The following RAPGEF5 variants were observed in gnomAD, a reference collection of about 807,000 sequenced individuals.
The protein encoded by RAPGEF5 is M-Ras-regulated GEF.
RAPGEF5 carries 65 observed loss-of-function variants against 125.2 expected under a neutral mutation model. The observed-to-expected ratio is 0.52, with a 90% CI of 0.43 to 0.64. The LOEUF (loss-of-function observed/expected upper bound fraction) is 0.64, where lower values mean the gene tolerates loss of function less well. Among genes scored for constraint, RAPGEF5 ranks in the 30% least tolerant of loss-of-function variants. The pLI, the probability that RAPGEF5 is intolerant of heterozygous loss-of-function variation, is 0.00. For synonymous variants in RAPGEF5, 391 were observed against 385.9 expected (o/e 1.01, Z -0.16); for missense variants, 958 against 1,048.1 (o/e 0.91, Z 1.19).
In RAPGEF5 at chr7:22,264,442, A is replaced by C. The variant is rs531448151; in HGVS notation, c.796+2522T>G. Among the ~76,000 whole-genome samples, 3 of 152,364 alleles carry C rather than the reference A, an allele frequency of 2.0e-5. No individual in the cohort carries two copies. In the South Asian group the frequency reaches 6.2e-4, roughly 32 times the overall value. Reference sequence around the variant, plus strand: ...ATATCATACAGTGACATCACAACATAATAAAATTGACTTCATACCAGTCTT... The same window carrying C: ...ATATCATACAGTGACATCACAACATCATAAAATTGACTTCATACCAGTCTT... On this transcript the variant is annotated intron_variant, in intron 7 of 25. Transcript: ENST00000665637.
At chr7:22,130,950 A>C in intron 24 of RAPGEF5, 87 bp downstream of exon 24, 2 of 1,497,108 alleles carry the variant, frequency 1.3e-6, no homozygotes, top group Non-Finnish European at 1.8e-6. Flanking sequence ...GGAGAAAAGT[A>C]CTAAAACTAT....
chr7:22,206,975 A>G (rs1785412025), intron 9 of RAPGEF5, among the ~76,000 whole-genome samples: 1 of 152,196 alleles, frequency 6.6e-6, no homozygotes, highest in Non-Finnish European at 1.5e-5. Flanking sequence ...AAAATGAGAA[A>G]GGAGAAAAAT....
At chr7:22,332,691 G>C (rs1181349079) in intron 1 of RAPGEF5, among the ~76,000 whole-genome samples, 1 of 152,194 alleles carries the variant, frequency 6.6e-6, no homozygotes, top group African/African-American at 2.4e-5. Context: ...CATGACTCAT[G>C]GGAGGCAATT....
chr7:22,292,051 A>G (rs538723084), intron 5 of RAPGEF5, among the ~76,000 whole-genome samples: 16 of 152,286 alleles, frequency 1.1e-4, no homozygotes, highest in African/African-American at 2.2e-4. Context: ...TCCAAGATCT[A>G]TTTCCACAAG....
chr7:22,338,208 A>G (rs1448933786), intron 1 of RAPGEF5, among the ~76,000 whole-genome samples: 1 of 152,210 alleles, frequency 6.6e-6, no homozygotes, highest in Non-Finnish European at 1.5e-5. Flanking sequence ...GTTACAACCC[A>G]AATTATTAGT....
intron 9 of RAPGEF5, among the ~76,000 whole-genome samples, chr7:22,217,686 T>C (rs1039417851): frequency 6.6e-6 from 1 of 152,322 alleles, no homozygotes; most frequent in East Asian, 1.9e-4. Flanking sequence ...CCTTTCCTTA[T>C]TTTAAGCTTC....
intron 11 of RAPGEF5, among the ~76,000 whole-genome samples, chr7:22,187,082 A>C (rs184015679): frequency 5.0e-4 from 76 of 152,332 alleles, no homozygotes; most frequent in Middle Eastern, 3.4e-3. Context: ...TAACAGCTCT[A>C]CGAGGCTGAA....
chr7:22,170,211 T>C (rs1278900635), intron 11 of RAPGEF5, among the ~76,000 whole-genome samples: 1 of 152,058 alleles, frequency 6.6e-6, no homozygotes, highest in Non-Finnish European at 1.5e-5. Context: ...TGCACCACCA[T>C]GTCCAGCTAA....
At chr7:22,142,426 A>T (rs2128104244) in intron 20 of RAPGEF5, among the ~76,000 whole-genome samples, 1 of 152,296 alleles carries the variant, frequency 6.6e-6, no homozygotes, top group South Asian at 2.1e-4. Flanking sequence ...ATCTATGTGA[A>T]ATCTTAGAAT....
At chr7:22,351,843 C>T (rs1784336361) in intron 1 of RAPGEF5, among the ~76,000 whole-genome samples, 1 of 152,152 alleles carries the variant, frequency 6.6e-6, no homozygotes, top group South Asian at 2.1e-4. Context: ...GGTATTGAGT[C>T]AGAGCTAAAG....
At chr7:22,131,243 AT>A in intron 23 of RAPGEF5, 142 bp from the exon 24 acceptor site, 1 of 1,115,302 alleles carries the variant, frequency 9.0e-7, no homozygotes, top group Non-Finnish European at 1.2e-6. Flanking sequence ...GCAATTTGAA[AT>A]TGGATTTATG....
chr7:22,352,878 C>T (rs984487712), intron 1 of RAPGEF5, among the ~76,000 whole-genome samples: 1 of 152,072 alleles, frequency 6.6e-6, no homozygotes, highest in Non-Finnish European at 1.5e-5. Flanking sequence ...CATTTTGCAA[C>T]CCCTAATGAA....
chr7:22,317,966 TAA>T lies in RAPGEF5; in HGVS notation c.282+19_282+20del. ...TCAATCACTATTTCAGAAAAGGCAG[TAA>T]AAGAGAAAGGAATCATACCTGGGAA... On this transcript the variant is annotated intron_variant, in intron 2 of 25. Transcript: ENST00000665637. The T allele has an allele frequency of 6.5e-7, 1 of 1,546,714 alleles. No homozygotes were observed. Among genetic ancestry groups the T allele is most frequent in the East Asian group, 2.4e-5 (1 of 40,828 alleles).
intron 3 of RAPGEF5, among the ~76,000 whole-genome samples, chr7:22,310,866 C>G (rs1783453090): frequency 6.6e-6 from 1 of 151,990 alleles, no homozygotes; most frequent in Non-Finnish European, 1.5e-5. Context: ...CAACTATATT[C>G]AAAAAAATGT....
intron 17 of RAPGEF5, 66 bp from the exon 18 acceptor site, chr7:22,150,570 A>G: frequency 6.6e-7 from 1 of 1,521,016 alleles, no homozygotes; most frequent in Non-Finnish European, 8.7e-7. Context: ...CAGTAGGCCT[A>G]CACAGTACAC....
At chr7:22,250,864 C>T (rs568471182) in intron 7 of RAPGEF5, among the ~76,000 whole-genome samples, 2 of 152,158 alleles carry the variant, frequency 1.3e-5, no homozygotes, top group Admixed American at 6.5e-5. Context: ...AGTCATCGAC[C>T]AAGCCTACCT....
At chr7:22,330,728 G>A (rs1210503640) in intron 1 of RAPGEF5, among the ~76,000 whole-genome samples, 1 of 152,190 alleles carries the variant, frequency 6.6e-6, no homozygotes, top group Non-Finnish European at 1.5e-5. Flanking sequence ...ATTCCATCAT[G>A]TCTATACGCA....
chr7:22,214,588 T>C (rs1369412046), intron 9 of RAPGEF5, among the ~76,000 whole-genome samples: 1 of 152,240 alleles, frequency 6.6e-6, no homozygotes. Flanking sequence ...TATACTTTGA[T>C]GTAACTATTT....
chr7:22,159,963 G>A (rs1783933936), intron 14 of RAPGEF5, among the ~76,000 whole-genome samples: 2 of 152,102 alleles, frequency 1.3e-5, no homozygotes, highest in Admixed American at 1.3e-4. Context: ...ACAAAAAGTA[G>A]CCAGGTGTGG....
Sources: gnomAD v4.1 joint callset for allele counts (sites outside exome capture counted in the v4.1 genomes callset) on GRCh38, gnomAD v4.1.1 for gene constraint, MANE v1.5 for transcripts, NCBI Gene and HGNC (gene_info 2026-07-23, HGNC 2026-07-21) for gene names.